FBN3: variants seen among roughly 807,000 people sequenced by gnomAD.
FBN3 encodes fibrillin 3.
FBN3 carries 234 observed loss-of-function variants against 330.1 expected under a neutral mutation model. The observed-to-expected ratio is 0.71, with a 90% confidence interval of 0.64 to 0.79. The LOEUF (loss-of-function observed/expected upper bound fraction) is 0.79. Among genes scored for constraint, FBN3 ranks in the 30% least tolerant of loss-of-function variants. The probability of loss-of-function intolerance (pLI) is 0.00; values close to 1 mark genes in which losing one functional copy is unlikely to be tolerated. For missense variants in FBN3, 3,606 were observed against 3,886.9 expected, an observed-to-expected ratio of 0.93 and a Z score of 1.92; for synonymous variants, 1,458 against 1,517.3, an observed-to-expected ratio of 0.96 and a Z score of 0.91.
intron 49 of FBN3, 47 bp from the exon 50 acceptor site, chr19:8,090,006 C>A: frequency 6.3e-7 from 1 of 1,596,638 alleles, no homozygotes; most frequent in Non-Finnish European, 8.5e-7. Context: ...CTAGGTGCAG[C>A]CCCCAGGTGT....
At position 8,145,868 on chromosome 19, in the gene FBN3, G is replaced by A. The variant is rs1490442694; in HGVS notation, c.420C>T (p.Gly140=). Residue 140 remains glycine, a synonymous_variant, in exon 5 of 64, where the codon GGC becomes GGT. Coordinates refer to ENST00000600128, the MANE Select transcript of FBN3 (RefSeq NM_032447.5). ...CRGASCLCQK[G]YTGTVCGQPI... ...GCTGCCCACACACGGTGCCTGTGTA[G>A]CCCTTCTGACACAGACAGGACGCCC... is the stretch of plus-strand genomic sequence containing the variant. The A allele has an allele frequency of 1.9e-6, 3 of 1,550,988 alleles. No homozygotes were observed. Among genetic ancestry groups the A allele is most frequent in the Non-Finnish European group, 2.6e-6 (3 of 1,146,896 alleles).
At chr19:8,143,225 C>G (rs1021366872) in intron 6 of FBN3, among the ~76,000 whole-genome samples, 3 of 152,280 alleles carry the variant, frequency 2.0e-5, no homozygotes, top group Non-Finnish European at 4.4e-5. Context: ...GCACCCTGGG[C>G]TTCAGTCCCC....
At chr19:8,135,281 A>T (rs1168821007) in intron 13 of FBN3, among the ~76,000 whole-genome samples, 1 of 151,466 alleles carries the variant, frequency 6.6e-6, no homozygotes, top group African/African-American at 2.4e-5. Flanking sequence ...CATAAAAAAA[A>T]ATTTTTTTTT....
Position 8,065,804 on chromosome 19 carries a change from C to T in FBN3, c.*115G>A. 1 of 918,638 alleles carries T rather than the reference C, an allele frequency of 1.1e-6. No homozygotes were observed. The allele number at this position is 918,638 out of a possible 1,614,324, so 56.9% of individuals were successfully genotyped here. A position where few individuals can be genotyped will look rare whatever the true frequency, so the allele number is the denominator to read the frequency against. On this transcript the variant is annotated 3_prime_UTR_variant, in exon 64 of 64. Transcript: ENST00000600128. Reference sequence around the variant, plus strand: ...CCTGAGGTTGTCGTGTAGCATTTCACTCTTCCTGAGTTTCGGGGTTCAATC... The same window carrying T: ...CCTGAGGTTGTCGTGTAGCATTTCATTCTTCCTGAGTTTCGGGGTTCAATC...
chr19:8,082,795 GTT>G lies in FBN3; in HGVS notation c.7213+450_7213+451del, dbSNP rs34853923. ...AAGCATGAGCTACTATGCCTGGCCT[GTT>G]TTTTTTTTTCTTTCTTTCTTTTCTT... On this transcript the variant is annotated intron_variant, in intron 57 of 63. Coordinates refer to ENST00000600128, the MANE Select transcript of FBN3 (RefSeq NM_032447.5). Among the ~76,000 whole-genome samples the G allele has an allele frequency of 1.1e-4, 17 of 147,888 alleles. No homozygotes were observed. The East Asian group carries it at 1.2e-3, about 10-fold the overall frequency.
chr19:8,134,070 CA>C (rs111976578), intron 13 of FBN3, among the ~76,000 whole-genome samples: 8,310 of 145,734 alleles, frequency 0.057, 767 homozygotes, highest in African/African-American at 0.2. Flanking sequence ...ACTAAAAATA[CA>C]AAAAAAAAAA....
At chr19:8,076,247 C>CATGTGTGT (rs60725609) in intron 59 of FBN3, among the ~76,000 whole-genome samples, 31,749 of 147,614 alleles carry the variant, frequency 0.22, 3,692 homozygotes, top group Admixed American at 0.31. Flanking sequence ...TGTCCGTGTG[C>CATGTGTGT]GTGTGTGTGT....
rs1234471139 is a variant in FBN3, at chr19:8,112,097, C to T, written c.3841G>A (p.Val1281Met). Residue 1281 changes from valine (V) to methionine (M), a missense_variant and splice_region_variant, in exon 31 of 64, where the codon GTG (valine) becomes ATG (methionine). Transcript: ENST00000600128. ...VRKGATGCSD[V>M]DECEVGGHNC... ...TGTCCTCCAACCTCGCATTCATCCA[C>T]ATCTAAAGGGAGAGGAGGCACGACG... 3.1e-6 allele frequency: 5 copies of T among 1,613,142 alleles called. No individual in the cohort carries two copies. The highest frequency in any genetic ancestry group is 1.1e-5 in the South Asian group (1 of 90,978).
At position 8,092,228 on chromosome 19, in the gene FBN3, A is replaced by G. The variant is rs550853095; in HGVS notation, c.5906-638T>C. ...AGTAGAACTACCATTCAATCCAGCA[A>G]TCCTACTACTGGGTATCTACCCAAA... On this transcript the variant is annotated intron_variant, in intron 47 of 63. Transcript: ENST00000600128. Among the ~76,000 whole-genome samples the G allele has an allele frequency of 5.9e-5, 9 of 152,054 alleles. No individual in the cohort carries two copies. The South Asian group carries it at 1.9e-3, about 32-fold the overall frequency.
At chr19:8,086,072 A>AACAGGCAGTGGGGGGGG (rs2081944605) in intron 55 of FBN3, 128 bp downstream of exon 55, 2 of 196,172 alleles carry the variant, frequency 1.0e-5, no homozygotes, top group Admixed American at 8.8e-5. Context: ...CAGTGGAGGG[A>AACAGGCAGTGGGGGGGG]ACAGGCAGTG....
chr19:8,144,940 G>C lies in FBN3; in HGVS notation c.478C>G (p.Arg160Gly). ...ICDRGCHNGGRCIGPNRCACV... is the reference protein window; with the variant it reads ...ICDRGCHNGGGCIGPNRCACV... ...GCGCAGCGGTTGGGCCCAATGCAGC[G>C]ACCCCCATTGTGGCAGCCGCGGTCA... Residue 160 changes from arginine to glycine, a missense_variant, in exon 6 of 64, where the codon CGC becomes GGC. Arg to Gly is a moderately radical substitution (Grantham distance 125). Transcript: ENST00000600128. 6.2e-7 allele frequency: 1 copy of C among 1,612,250 alleles called. No homozygotes were observed. The highest frequency in any genetic ancestry group is 8.5e-7 in the Non-Finnish European group (1 of 1,179,690).
Position 8,085,538 on chromosome 19 carries a change from C to A in FBN3, c.6912G>T (p.Val2304=). The change falls in exon 56 of 64, where the codon GTG becomes GTT. Residue 2304 remains valine, a synonymous_variant. Transcript: ENST00000600128. ...DIRQGPCFAE[V]LQTMCRSLSS... ...ACAGAGACCGGCACATGGTCTGCAG[C>A]ACCTCGGCAAAGCAGGGCCCCTGCC... The A allele has an allele frequency of 6.3e-7, 1 of 1,587,604 alleles. No individual in the cohort carries two copies. The highest frequency in any genetic ancestry group is 2.3e-5 in the East Asian group (1 of 43,674).
At chr19:8,116,909 G>A in intron 28 of FBN3, 110 bp from the exon 29 acceptor site, 3 of 1,357,430 alleles carry the variant, frequency 2.2e-6, no homozygotes, top group Non-Finnish European at 2.0e-6. Flanking sequence ...GGATAGCGAT[G>A]GTCACTCGAG....
intron 38 of FBN3, among the ~76,000 whole-genome samples, chr19:8,104,835 G>T (rs1244607364): frequency 1.3e-5 from 2 of 152,004 alleles, no homozygotes; most frequent in Non-Finnish European, 2.9e-5. Context: ...GTGCTCCAAG[G>T]AAATTTTATT....
chr19:8,133,729 G>A (rs1232019826), intron 13 of FBN3, among the ~76,000 whole-genome samples: 1 of 151,910 alleles, frequency 6.6e-6, no homozygotes, highest in African/African-American at 2.4e-5. Context: ...TGGGATTACA[G>A]GCGTGAGCCA....
At chr19:8,076,979 G>C (rs1054449056) in intron 59 of FBN3, among the ~76,000 whole-genome samples, 2 of 152,148 alleles carry the variant, frequency 1.3e-5, no homozygotes, top group Non-Finnish European at 2.9e-5. Context: ...GCCCAGGCTG[G>C]TCGCAAACTC....
At chr19:8,090,032 A>G in intron 49 of FBN3, 67 bp downstream of exon 49, 2 of 1,600,268 alleles carry the variant, frequency 1.2e-6, no homozygotes, top group Non-Finnish European at 1.7e-6. Context: ...GGGAAGGATG[A>G]GAGAAGAATG....
In FBN3 at chr19:8,131,902, C is replaced by A; in HGVS notation, c.1715-73G>T. The A allele has an allele frequency of 7.1e-7, 1 of 1,410,070 alleles. No individual in the cohort carries two copies. The highest frequency in any genetic ancestry group is 9.3e-7 in the Non-Finnish European group (1 of 1,070,598). The allele number at this position is 1,410,070 out of a possible 1,614,324, so 87.3% of individuals were successfully genotyped here. On this transcript the variant is annotated intron_variant, in intron 14 of 63. Coordinates refer to ENST00000600128, the MANE Select transcript of FBN3 (RefSeq NM_032447.5). This position sits in a 1 kb window ranked among gnomAD's most constrained non-coding sequence, Gnocchi z 4.5. ...CCTCTCTCCCCTCCCCATCTCCCAA[C>A]ATTTCCATCTTCCCAGCCATTCTAT... is the stretch of plus-strand genomic sequence containing the variant.
In FBN3 at chr19:8,146,317, T is replaced by C. The variant is rs549322220; in HGVS notation, c.251-92A>G. 9.3e-4 allele frequency: 917 copies of C among 988,636 alleles called. 15 individuals are homozygous for C. The Admixed American group carries it at 0.017, about 19-fold the overall frequency. The allele number at this position is 988,636 out of a possible 1,614,324, so 61.2% of individuals were successfully genotyped here. ...GTCCGGGCTGGCCGGAACACCTCAG[T>C]GGACGCTGCTGGTCATCTGCATCCC... On this transcript the variant is annotated intron_variant, in intron 3 of 63. Transcript: ENST00000600128.
Sources: gnomAD v4.1 joint callset for allele counts (sites outside exome capture counted in the v4.1 genomes callset) on GRCh38, gnomAD v4.1.1 for gene constraint, Gnocchi (gnomAD v3.1) non-coding constraint, MANE v1.5 for transcripts, NCBI Gene and HGNC (gene_info 2026-07-23, HGNC 2026-07-21) for gene names.